Variants in LRRC63 observed in about 807,000 individuals in gnomAD.
The protein encoded by LRRC63 is leucine rich repeat containing 63.
A neutral mutation model predicts 49.5 loss-of-function variants in LRRC63; 40 were observed. The ratio of observed to expected loss-of-function variants is 0.81; its 90% confidence interval spans 0.63 to 1.05. The LOEUF (loss-of-function observed/expected upper bound fraction) is 1.05. Among genes scored for constraint, LRRC63 ranks in the 50% least tolerant of loss-of-function variants. The probability of loss-of-function intolerance (pLI) is 0.00; values close to 1 mark genes in which losing one functional copy is unlikely to be tolerated. For synonymous variants in LRRC63, 191 were observed against 221.1 expected (o/e 0.86, Z 1.21); for missense variants, 636 against 663.1 (o/e 0.96, Z 0.45).
chr13:46,223,251 G>T (rs1172079468), intron 2 of LRRC63, among the ~76,000 whole-genome samples: 1 of 151,794 alleles, frequency 6.6e-6, no homozygotes, highest in Non-Finnish European at 1.5e-5. Context: ...TATAAAAAGG[G>T]TGTCCTTTCC....
chr13:46,251,141 A>G (rs2047368002), intron 7 of LRRC63, among the ~76,000 whole-genome samples: 1 of 151,888 alleles, frequency 6.6e-6, no homozygotes. Context: ...ACAAAGAGAA[A>G]GGGACTCATA....
chr13:46,239,305 G>A (rs2046989505), intron 5 of LRRC63, among the ~76,000 whole-genome samples: 1 of 151,912 alleles, frequency 6.6e-6, no homozygotes, highest in South Asian at 2.1e-4. Context: ...CAAAGGGGAA[G>A]TTACTCCTGA....
chr13:46,271,795 G>T (rs1414767685), intron 9 of LRRC63, among the ~76,000 whole-genome samples: 2 of 149,868 alleles, frequency 1.3e-5, no homozygotes, highest in Non-Finnish European at 3.0e-5. Context: ...TCAAATAAAA[G>T]GACTATAAAA....
intron 7 of LRRC63, among the ~76,000 whole-genome samples, chr13:46,260,023 A>G (rs1045572976): frequency 3.9e-5 from 6 of 152,228 alleles, no homozygotes; most frequent in Non-Finnish European, 5.9e-5. Flanking sequence ...CTGGTGGGAC[A>G]TAGAGTATCA....
At chr13:46,243,719 C>A (rs1279432441) in intron 5 of LRRC63, among the ~76,000 whole-genome samples, 1 of 152,272 alleles carries the variant, frequency 6.6e-6, no homozygotes, top group South Asian at 2.1e-4. Flanking sequence ...TCAGGTGATC[C>A]GCCTACCTCG....
rs142302684 is a variant in LRRC63 at position 46,247,708 on chromosome 13, A to C, written c.1089+1083A>C. On this transcript the variant is annotated intron_variant, in intron 6 of 9. Transcript: ENST00000595396. ...AAAGGCAATGAATAAAAGGCTGGGG[A>C]CTGAGGTAAGTGGGGTGATTCAAAT... Among the ~76,000 whole-genome samples, 598 of 152,238 alleles carry C rather than the reference A, an allele frequency of 3.9e-3. 5 individuals are homozygous for C. Among genetic ancestry groups the C allele is most frequent in the Non-Finnish European group, 5.5e-3 (371 of 67,964 alleles).
chr13:46,254,033 T>C (rs2047449366), intron 7 of LRRC63, among the ~76,000 whole-genome samples: 1 of 152,022 alleles, frequency 6.6e-6, no homozygotes, highest in Admixed American at 6.6e-5. Context: ...ACCAAGAGTA[T>C]CATGGAAGCC....
chr13:46,244,864 G>T (rs1179572090), intron 5 of LRRC63, among the ~76,000 whole-genome samples: 1 of 152,104 alleles, frequency 6.6e-6, no homozygotes, highest in Non-Finnish European at 1.5e-5. Context: ...AAACACATTA[G>T]TAATTTTGTT....
At position 46,234,147 on chromosome 13, in the gene LRRC63, A is replaced by G. The variant is rs1477741842; in HGVS notation, c.833-45A>G. On this transcript the variant is annotated intron_variant, in intron 4 of 9. Coordinates refer to ENST00000595396, the Ensembl canonical transcript of LRRC63. ...TACCTCTTAACTTTCATTCTAAGTG[A>G]TAACACATTTAAATTTTATGTTTTG... The G allele has an allele frequency of 4.7e-6, 7 of 1,487,592 alleles. No homozygotes were observed. In the Admixed American group the frequency reaches 1.2e-4, roughly 26 times the overall value. 92.1% of individuals were successfully genotyped at this position (1,487,592 alleles called of 1,614,324 possible). A position where few individuals can be genotyped will look rare whatever the true frequency, so the allele number is the denominator to read the frequency against.
intron 6 of LRRC63, chr13:46,249,997 A>G (rs1253736251): frequency 1.3e-5 from 2 of 156,996 alleles, no homozygotes; most frequent in African/African-American, 4.8e-5. Flanking sequence ...CACTAAGGTT[A>G]ATTCCACCTT....
intron 7 of LRRC63, among the ~76,000 whole-genome samples, chr13:46,256,281 C>T (rs17067904): frequency 0.015 from 2,336 of 152,238 alleles, 75 homozygotes; most frequent in African/African-American, 0.052. Flanking sequence ...TGTCAGATCT[C>T]CAAAATTCCA....
rs754211211 is a variant in LRRC63, at chr13:46,266,933, A to G, written c.1511A>G (p.Tyr504Cys). 1.9e-6 allele frequency: 3 copies of G among 1,547,162 alleles called. No homozygotes were observed. In the South Asian group the frequency reaches 3.6e-5, roughly 19 times the overall value. Residue 504 changes from tyrosine to cysteine, a missense_variant, in exon 9 of 10, where the codon TAT (tyrosine) becomes TGT (cysteine). Tyr to Cys is a radical substitution (Grantham distance 194). Transcript: ENST00000595396. ...GTCCAAAATAAACTACATAAATTTT[A>G]TGATAAGATCCCAGTAGAAGTTCAG...
intron 6 of LRRC63, chr13:46,249,963 T>A (rs1679555209): frequency 6.5e-6 from 1 of 153,462 alleles, no homozygotes; most frequent in African/African-American, 2.4e-5. Flanking sequence ...ATAATCTGGC[T>A]TTGATCTCTA....
chr13:46,274,340 C>T (rs1285894042), intron 9 of LRRC63, among the ~76,000 whole-genome samples: 1 of 152,126 alleles, frequency 6.6e-6, no homozygotes, highest in African/African-American at 2.4e-5. Context: ...GTCACCCAAC[C>T]ACTGTCATCC....
At chr13:46,255,645 A>T (rs868375429) in intron 7 of LRRC63, among the ~76,000 whole-genome samples, 1 of 129,456 alleles carries the variant, frequency 7.7e-6, no homozygotes, top group African/African-American at 2.9e-5. Context: ...CCCTGCCTCA[A>T]ATATATATAT....
In LRRC63 at chr13:46,234,182, G is replaced by C; in HGVS notation, c.833-10G>C. 3 of 1,541,080 alleles carry C rather than the reference G, an allele frequency of 1.9e-6. No homozygotes were observed. Among genetic ancestry groups the C allele is most frequent in the Non-Finnish European group, 2.6e-6 (3 of 1,141,660 alleles). Reference sequence around the variant, plus strand: ...TAAATTTTATGTTTTGTTTTGTTTTGTTTATTTAGGTCTCACCAAAACTGA... The same window carrying C: ...TAAATTTTATGTTTTGTTTTGTTTTCTTTATTTAGGTCTCACCAAAACTGA... On this transcript the variant is annotated splice_polypyrimidine_tract_variant and intron_variant, in intron 4 of 9. Transcript: ENST00000595396.
intron 2 of LRRC63, among the ~76,000 whole-genome samples, chr13:46,225,438 T>C (rs2046542422): frequency 6.6e-6 from 1 of 152,200 alleles, no homozygotes; most frequent in South Asian, 2.1e-4. Flanking sequence ...GGAGATGTCC[T>C]GTTCTCTATG....
At chr13:46,242,780 A>T (rs2047101363) in intron 5 of LRRC63, among the ~76,000 whole-genome samples, 1 of 151,698 alleles carries the variant, frequency 6.6e-6, no homozygotes, top group Admixed American at 6.6e-5. Context: ...AAAACAAAAA[A>T]CCTCTCAACT....
chr13:46,220,664 A>C (rs1056760453), intron 2 of LRRC63, among the ~76,000 whole-genome samples: 1 of 151,472 alleles, frequency 6.6e-6, no homozygotes, highest in Non-Finnish European at 1.5e-5. Flanking sequence ...AAAAAAAAAA[A>C]ACTCCAGCAG....
Sources: gnomAD v4.1 joint callset for allele counts (sites outside exome capture counted in the v4.1 genomes callset) on GRCh38, gnomAD v4.1.1 for gene constraint, MANE v1.5 for transcripts, NCBI Gene and HGNC (gene_info 2026-07-23, HGNC 2026-07-21) for gene names.